SLC16A10: variants seen among roughly 807,000 people sequenced by gnomAD.
The protein encoded by SLC16A10 is monocarboxylate transporter 10.
SLC16A10 carries 27 observed loss-of-function variants against 40.0 expected under a neutral mutation model. The ratio of observed to expected loss-of-function variants is 0.67; its 90% CI spans 0.50 to 0.93. The LOEUF (loss-of-function observed/expected upper bound fraction) is 0.93, where lower values mean the gene tolerates loss of function less well. Among genes scored for constraint, SLC16A10 ranks in the 40% least tolerant of loss-of-function variants. SLC16A10 has a pLI of 0.00. For synonymous variants in SLC16A10, 213 were observed against 249.8 expected (o/e 0.85, Z 1.39); for missense variants, 529 against 658.2 (o/e 0.80, Z 2.15).
intron 3 of SLC16A10, among the ~76,000 whole-genome samples, chr6:111,187,290 A>C (rs1772914158): frequency 6.6e-6 from 1 of 152,188 alleles, no homozygotes; most frequent in Non-Finnish European, 1.5e-5. Flanking sequence ...CAAGAAAAGA[A>C]CCAGATTTGG....
chr6:111,158,842 T>A (rs1322214), intron 1 of SLC16A10, among the ~76,000 whole-genome samples: 75,128 of 151,702 alleles, frequency 0.5, 19,133 homozygotes, highest in East Asian at 0.69. Context: ...TGTCAACACT[T>A]TAGGAGGCCA....
chr6:111,139,591 C>T (rs1235749152), intron 1 of SLC16A10, among the ~76,000 whole-genome samples: 3 of 152,192 alleles, frequency 2.0e-5, no homozygotes, highest in Admixed American at 1.3e-4. Context: ...TGAGCCACCA[C>T]GCCCAGCCGA....
intron 3 of SLC16A10, among the ~76,000 whole-genome samples, chr6:111,187,087 T>C (rs1325095009): frequency 6.6e-6 from 1 of 152,212 alleles, no homozygotes; most frequent in Non-Finnish European, 1.5e-5. Flanking sequence ...CTCCAACCCA[T>C]GCAATGGTGT....
intron 1 of SLC16A10, among the ~76,000 whole-genome samples, chr6:111,154,541 A>G (rs1772233474): frequency 6.6e-6 from 1 of 152,216 alleles, no homozygotes; most frequent in Non-Finnish European, 1.5e-5. Context: ...TTGTTACTTT[A>G]CTCAAGGAAG....
At chr6:111,101,127 C>G (rs1771180964) in intron 1 of SLC16A10, among the ~76,000 whole-genome samples, 1 of 151,068 alleles carries the variant, frequency 6.6e-6, no homozygotes, top group Non-Finnish European at 1.5e-5. Context: ...ACCTCCTGGG[C>G]TCAAGTGATC....
intron 3 of SLC16A10, among the ~76,000 whole-genome samples, chr6:111,199,224 C>T (rs1051339549): frequency 6.6e-6 from 1 of 152,150 alleles, no homozygotes; most frequent in Non-Finnish European, 1.5e-5. Flanking sequence ...CTTTGGGAGG[C>T]TGAGGTGGGC....
At chr6:111,114,295 A>G (rs1301553450) in intron 1 of SLC16A10, among the ~76,000 whole-genome samples, 5 of 152,230 alleles carry the variant, frequency 3.3e-5, no homozygotes. Context: ...CAAAAACATC[A>G]TATCGAATGA....
In SLC16A10 at chr6:111,203,751, T is replaced by TAAATAAATAAATTAAA. The variant is rs1554261471; in HGVS notation, c.943-2838_943-2837insTAAATAAATTAAAAAA. Among the ~76,000 whole-genome samples the TAAATAAATAAATTAAA allele has an allele frequency of 3.4e-5, 5 of 147,778 alleles. No individual in the cohort carries two copies. The East Asian group carries it at 8.1e-4, about 24-fold the overall frequency. ...ATAAATAAATAAATAAATAAATAAA[T>TAAATAAATAAATTAAA]AAAATAATGCCCCTTCTAGTTGAAA... On this transcript the variant is annotated intron_variant, in intron 3 of 5. Coordinates refer to ENST00000368851, the MANE Select transcript of SLC16A10 (RefSeq NM_018593.5).
At chr6:111,217,812 C>T (rs1302224707) in intron 4 of SLC16A10, among the ~76,000 whole-genome samples, 1 of 152,136 alleles carries the variant, frequency 6.6e-6, no homozygotes, top group Non-Finnish European at 1.5e-5. Flanking sequence ...ACTGTTTCCT[C>T]CTTTTTTGTA....
chr6:111,169,186 A>G (rs776106427), intron 1 of SLC16A10, among the ~76,000 whole-genome samples: 1 of 152,214 alleles, frequency 6.6e-6, no homozygotes. Flanking sequence ...GGCAAAGGAA[A>G]TGTATTTCCT....
At chr6:111,219,566 G>A (rs1169999376) in intron 5 of SLC16A10, among the ~76,000 whole-genome samples, 2 of 151,786 alleles carry the variant, frequency 1.3e-5, no homozygotes, top group Non-Finnish European at 2.9e-5. Context: ...TAAATATGTC[G>A]GCTTTTGGTA....
chr6:111,159,735 A>C (rs1772337315), intron 1 of SLC16A10, among the ~76,000 whole-genome samples: 1 of 152,156 alleles, frequency 6.6e-6, no homozygotes, highest in African/African-American at 2.4e-5. Context: ...CTGCTTTCCA[A>C]AGTGTTTGTA....
chr6:111,139,156 A>G (rs1771936920), intron 1 of SLC16A10, among the ~76,000 whole-genome samples: 1 of 144,976 alleles, frequency 6.9e-6, no homozygotes, highest in African/African-American at 2.6e-5. Context: ...ACATACCTGT[A>G]TAGTTTGAAG....
chr6:111,182,768 C>T (rs1164177190), intron 3 of SLC16A10, among the ~76,000 whole-genome samples: 1 of 152,146 alleles, frequency 6.6e-6, no homozygotes, highest in African/African-American at 2.4e-5. Flanking sequence ...GCAATTCCGC[C>T]CTTTCAGTTG....
intron 1 of SLC16A10, among the ~76,000 whole-genome samples, chr6:111,092,883 T>TA (rs1165069689): frequency 6.6e-6 from 1 of 150,970 alleles, no homozygotes; most frequent in Non-Finnish European, 1.5e-5. Flanking sequence ...CTACTAAAAA[T>TA]ACAAAAAATT....
At chr6:111,115,228 G>GT (rs1350382604) in intron 1 of SLC16A10, among the ~76,000 whole-genome samples, 3 of 150,916 alleles carry the variant, frequency 2.0e-5, no homozygotes, top group African/African-American at 7.3e-5. Context: ...TTGTTTGCTT[G>GT]TTTTTTTTAG....
chr6:111,128,303 A>G (rs1771713255), intron 1 of SLC16A10, among the ~76,000 whole-genome samples: 1 of 152,228 alleles, frequency 6.6e-6, no homozygotes, highest in Non-Finnish European at 1.5e-5. Context: ...CAGATGAGGA[A>G]AATGAGGCAC....
intron 3 of SLC16A10, among the ~76,000 whole-genome samples, chr6:111,188,768 G>A (rs767314071): frequency 1.4e-4 from 21 of 151,758 alleles, no homozygotes; most frequent in South Asian, 2.1e-4. Context: ...CATTCCCTTC[G>A]CAATTAACTT....
intron 1 of SLC16A10, among the ~76,000 whole-genome samples, chr6:111,147,704 T>C (rs1303197018): frequency 6.6e-6 from 1 of 152,204 alleles, no homozygotes; most frequent in African/African-American, 2.4e-5. Context: ...CACACACTAA[T>C]GCAGTGTCAG....
Sources: allele counts gnomAD v4.1 joint callset (sites outside exome capture counted in the v4.1 genomes callset), GRCh38; gene constraint gnomAD v4.1.1; transcripts MANE v1.5; gene names NCBI Gene and HGNC (gene_info 2026-07-23, HGNC 2026-07-21).